Variants in ANKS1B observed in about 807,000 individuals in gnomAD.
The protein encoded by ANKS1B is ankyrin repeat and sterile alpha motif domain-containing protein 1B.
In ANKS1B, 36 loss-of-function variants were observed where a neutral mutation model predicts 148.3. The observed-to-expected ratio is 0.24, with a 90% CI of 0.19 to 0.32. The LOEUF (loss-of-function observed/expected upper bound fraction) is 0.32, where lower values mean the gene tolerates loss of function less well. Ranked by LOEUF, ANKS1B falls within the 10% of genes least tolerant of loss-of-function variation. The pLI, the probability that ANKS1B is intolerant of heterozygous loss-of-function variation, is 1.00. For missense variants in ANKS1B, 1,157 were observed against 1,542.6 expected (o/e 0.75, Z 4.19); for synonymous variants, 542 against 560.8 (o/e 0.97, Z 0.47).
At chr12:98,855,028 G>A (rs1442163253) in intron 17 of ANKS1B, among the ~76,000 whole-genome samples, 2 of 151,806 alleles carry the variant, frequency 1.3e-5, no homozygotes, top group Non-Finnish European at 2.9e-5. Context: ...GCGCGGTGGC[G>A]GGCGCCTGTA....
intron 17 of ANKS1B, among the ~76,000 whole-genome samples, chr12:98,974,606 A>G (rs1284960149): frequency 6.7e-6 from 1 of 149,392 alleles, no homozygotes; most frequent in African/African-American, 2.4e-5. Flanking sequence ...TAGTGCTTCT[A>G]CAGAGATTGG....
At chr12:99,955,386 G>A (rs575984794) in intron 1 of ANKS1B, among the ~76,000 whole-genome samples, 112 of 150,786 alleles carry the variant, frequency 7.4e-4, no homozygotes, top group African/African-American at 2.6e-3. Context: ...CCAGCTACTC[G>A]GGAGGCTGAG....
At chr12:98,956,787 C>G (rs1364919719) in intron 17 of ANKS1B, among the ~76,000 whole-genome samples, 8 of 152,124 alleles carry the variant, frequency 5.3e-5, no homozygotes, top group Non-Finnish European at 1.0e-4. Context: ...GCATTGTACG[C>G]AGACTTGGTT....
At chr12:98,945,505 C>CAAAAAAA (rs3051086) in intron 17 of ANKS1B, among the ~76,000 whole-genome samples, 379 of 30,092 alleles carry the variant, frequency 0.013, 20 homozygotes, top group African/African-American at 0.021. Context: ...AACAAACAAA[C>CAAAAAAA]AAAAAAAAAA....
chr12:98,770,611 GGTTT>G (rs551866382), intron 25 of ANKS1B, among the ~76,000 whole-genome samples: 247 of 151,356 alleles, frequency 1.6e-3, no homozygotes, highest in Non-Finnish European at 2.6e-3. Flanking sequence ...CAAATGGAAG[GGTTT>G]GTTTTTTTTT....
At chr12:99,435,949 G>A (rs547262403) in intron 11 of ANKS1B, among the ~76,000 whole-genome samples, 30 of 151,968 alleles carry the variant, frequency 2.0e-4, no homozygotes, top group African/African-American at 7.2e-4. Flanking sequence ...TTGACTGTTG[G>A]GTCCTGTTGC....
chr12:99,606,093 G>A (rs578000916), intron 9 of ANKS1B, among the ~76,000 whole-genome samples: 1 of 152,114 alleles, frequency 6.6e-6, no homozygotes, highest in East Asian at 1.9e-4. Flanking sequence ...TAGTGATGTT[G>A]AGCATTTTTC....
At chr12:99,570,563 C>T (rs1437991574) in intron 9 of ANKS1B, among the ~76,000 whole-genome samples, 4 of 150,962 alleles carry the variant, frequency 2.6e-5, no homozygotes, top group Non-Finnish European at 4.4e-5. Flanking sequence ...AGGAAAATGG[C>T]GTGAACCCAG....
rs533146644 is a variant in ANKS1B at position 99,923,071 on chromosome 12, T to C, written c.134+61033A>G. ...TGCATTACAGGCAAAAGAAGAAATC[T>C]GAACAAAGCCAAAGAAGCATGAAAC... is the stretch of plus-strand genomic sequence containing the variant. On this transcript the variant is annotated intron_variant, in intron 1 of 26. Coordinates refer to ENST00000683438, the MANE Select transcript of ANKS1B (RefSeq NM_001352186.2). Among the ~76,000 whole-genome samples, 10 of 152,284 alleles carry C rather than the reference T, an allele frequency of 6.6e-5. No homozygotes were observed. In the South Asian group the frequency reaches 1.7e-3, roughly 25 times the overall value.
chr12:99,572,611 C>T (rs2097470409), intron 9 of ANKS1B, among the ~76,000 whole-genome samples: 1 of 152,082 alleles, frequency 6.6e-6, no homozygotes, highest in Non-Finnish European at 1.5e-5. Context: ...ATTTTAGGTA[C>T]TTGTGGGCTA....
At chr12:98,959,377 C>T (rs2099867506) in intron 17 of ANKS1B, among the ~76,000 whole-genome samples, 1 of 152,120 alleles carries the variant, frequency 6.6e-6, no homozygotes, top group Admixed American at 6.5e-5. Context: ...GGTGGTCTGG[C>T]TTGTTATCTG....
chr12:98,820,333 C>A (rs1364031100), intron 19 of ANKS1B, among the ~76,000 whole-genome samples: 1 of 152,178 alleles, frequency 6.6e-6, no homozygotes. Flanking sequence ...TAAAGCTGTA[C>A]TAATCAGTGC....
At position 99,391,290 on chromosome 12, in the gene ANKS1B, C is replaced by T. The variant is rs1387930444; in HGVS notation, c.1756+8341G>A. Reference sequence around the variant, plus strand: ...AACACCTATCAATGACTTCTCATTGCTCTTAGGATAAATACCAAAATCCTG... The same window carrying T: ...AACACCTATCAATGACTTCTCATTGTTCTTAGGATAAATACCAAAATCCTG... On this transcript the variant is annotated intron_variant, in intron 12 of 26. Coordinates refer to ENST00000683438, the MANE Select transcript of ANKS1B (RefSeq NM_001352186.2). Among the ~76,000 whole-genome samples the T allele has an allele frequency of 7.2e-5, 11 of 152,278 alleles. No homozygotes were observed. The East Asian group carries it at 1.5e-3, about 21-fold the overall frequency.
At chr12:98,980,038 T>C (rs985011730) in intron 17 of ANKS1B, among the ~76,000 whole-genome samples, 6 of 152,224 alleles carry the variant, frequency 3.9e-5, no homozygotes, top group African/African-American at 9.6e-5. Flanking sequence ...ATCCAAATGG[T>C]CACATTTTCA....
intron 1 of ANKS1B, among the ~76,000 whole-genome samples, chr12:99,868,158 C>T (rs2091003612): frequency 6.6e-6 from 1 of 152,070 alleles, no homozygotes; most frequent in Admixed American, 6.5e-5. Flanking sequence ...ACTGATAAAG[C>T]AAATCCAAAG....
chr12:99,531,257 C>T (rs1376284891), intron 9 of ANKS1B, among the ~76,000 whole-genome samples: 5 of 152,132 alleles, frequency 3.3e-5, no homozygotes, highest in Non-Finnish European at 5.9e-5. Context: ...TTGTTAGCTA[C>T]TTTTGTTGTT....
intron 14 of ANKS1B, among the ~76,000 whole-genome samples, chr12:99,162,181 T>A (rs2076718974): frequency 6.6e-6 from 1 of 152,112 alleles, no homozygotes; most frequent in Non-Finnish European, 1.5e-5. Flanking sequence ...AGAAGTGAAC[T>A]GTGGAAAGTG....
Position 98,871,378 on chromosome 12 carries a change from G to T in ANKS1B, c.2779-39242C>A, listed in dbSNP as rs193158923. On this transcript the variant is annotated intron_variant, in intron 17 of 26. Coordinates refer to ENST00000683438, the MANE Select transcript of ANKS1B (RefSeq NM_001352186.2). ...ATTCAATAACATAATTTCTACGATAGAAAAGTACATAAGAGTACAAAATAT... is the reference window on the plus strand; with the variant it reads ...ATTCAATAACATAATTTCTACGATATAAAAGTACATAAGAGTACAAAATAT... 2.0e-5 allele frequency among the ~76,000 whole-genome samples: 3 copies of T among 152,156 alleles called. No individual in the cohort carries two copies. The East Asian group carries it at 5.8e-4, about 29-fold the overall frequency.
chr12:98,961,747 T>TG (rs144923319), intron 17 of ANKS1B, among the ~76,000 whole-genome samples: 17 of 151,522 alleles, frequency 1.1e-4, no homozygotes, highest in Admixed American at 7.2e-4. Context: ...AAGTATGCAG[T>TG]GGGGGGGAAT....
Sources: gnomAD v4.1 joint callset for allele counts (sites outside exome capture counted in the v4.1 genomes callset) on GRCh38, gnomAD v4.1.1 for gene constraint, MANE v1.5 for transcripts, NCBI Gene and HGNC (gene_info 2026-07-23, HGNC 2026-07-21) for gene names.